TNIK: variants seen among roughly 807,000 people sequenced by gnomAD.
TNIK encodes the protein TRAF2 and NCK interacting kinase.
TNIK carries 49 observed loss-of-function variants against 191.3 expected under a neutral mutation model. That is an observed-to-expected ratio of 0.26 (90% CI 0.20 to 0.32). The LOEUF (loss-of-function observed/expected upper bound fraction) is 0.32. Ranked by LOEUF, TNIK falls within the 10% of genes least tolerant of loss-of-function variation. The probability of loss-of-function intolerance (pLI) is 1.00; values close to 1 mark genes in which losing one functional copy is unlikely to be tolerated. For missense variants in TNIK, 1,155 were observed against 1,702.3 expected, an observed-to-expected ratio of 0.68 and a Z score of 5.66; for synonymous variants, 594 against 600.9, an observed-to-expected ratio of 0.99 and a Z score of 0.17.
At chr3:171,126,297 GT>G in intron 16 of TNIK, 146 bp from the exon 17 acceptor site, 1 of 1,006,560 alleles carries the variant, frequency 9.9e-7, no homozygotes, top group Non-Finnish European at 1.3e-6. Context: ...TATATAGCAT[GT>G]TTTTTAACAG....
intron 2 of TNIK, among the ~76,000 whole-genome samples, chr3:171,284,311 G>A (rs1750786522): frequency 6.6e-6 from 1 of 152,204 alleles, no homozygotes; most frequent in East Asian, 1.9e-4. Context: ...TCCGTTCATA[G>A]TAGGGTTCTA....
chr3:171,391,739 T>C (rs186601392), intron 1 of TNIK, among the ~76,000 whole-genome samples: 18 of 152,358 alleles, frequency 1.2e-4, no homozygotes, highest in African/African-American at 4.1e-4. Flanking sequence ...ATCTGTTCTT[T>C]TCTCTTGTTA....
At chr3:171,434,680 G>A (rs1394016234) in intron 1 of TNIK, among the ~76,000 whole-genome samples, 1 of 151,974 alleles carries the variant, frequency 6.6e-6, no homozygotes, top group African/African-American at 2.4e-5. Context: ...GGCTGGTCTT[G>A]AACTCCTGGC....
rs148483299 is a variant in TNIK at position 171,315,111 on chromosome 3, G to A, written c.123+54509C>T. On this transcript the variant is annotated intron_variant, in intron 2 of 32. Coordinates refer to ENST00000436636, the MANE Select transcript of TNIK (RefSeq NM_015028.4). ...AACACGAATTGCCTGAGGAAGCAGG[G>A]GTAGGAGATGTGAGGACTAAGATTC... is the stretch of plus-strand genomic sequence containing the variant. 1.3e-3 allele frequency among the ~76,000 whole-genome samples: 203 copies of A among 152,206 alleles called. 1 individual carries two copies. Among genetic ancestry groups the A allele is most frequent in the African/African-American group, 4.7e-3 (194 of 41,536 alleles).
At chr3:171,195,103 C>A (rs1738530847) in intron 4 of TNIK, among the ~76,000 whole-genome samples, 3 of 152,162 alleles carry the variant, frequency 2.0e-5, no homozygotes, top group Admixed American at 2.0e-4. Flanking sequence ...TGGGAACTAT[C>A]TGTTTTTAAT....
intron 2 of TNIK, among the ~76,000 whole-genome samples, chr3:171,264,012 T>C (rs890933852): frequency 1.3e-5 from 2 of 151,372 alleles, no homozygotes; most frequent in Non-Finnish European, 2.9e-5. Flanking sequence ...AGATTTTATT[T>C]TATATATGTA....
chr3:171,298,890 T>C (rs935463805), intron 2 of TNIK, among the ~76,000 whole-genome samples: 1 of 152,234 alleles, frequency 6.6e-6, no homozygotes, highest in Non-Finnish European at 1.5e-5. Context: ...TGCAAACTTC[T>C]TCCCATGCTG....
intron 23 of TNIK, among the ~76,000 whole-genome samples, chr3:171,092,023 C>T (rs1722139687): frequency 6.6e-6 from 1 of 151,426 alleles, no homozygotes; most frequent in Admixed American, 6.6e-5. Context: ...GATCTCCACT[C>T]ACTGCAACCT....
chr3:171,278,440 G>T (rs568604726), intron 2 of TNIK, among the ~76,000 whole-genome samples: 18 of 152,198 alleles, frequency 1.2e-4, no homozygotes, highest in African/African-American at 4.3e-4. Flanking sequence ...AGACTCAGCA[G>T]CTGGGCATTC....
chr3:171,133,184 A>G (rs951499714), intron 15 of TNIK, among the ~76,000 whole-genome samples: 13 of 152,210 alleles, frequency 8.5e-5, no homozygotes, highest in Admixed American at 4.6e-4. Flanking sequence ...GGCCTGGACT[A>G]TTTTCCCAGA....
chr3:171,160,319 A>G, intron 11 of TNIK, among the ~76,000 whole-genome samples: 1 of 152,148 alleles, frequency 6.6e-6, no homozygotes, highest in South Asian at 2.1e-4. Flanking sequence ...CTGAGTTAGC[A>G]TAAAAAAAGA....
intron 2 of TNIK, among the ~76,000 whole-genome samples, chr3:171,347,959 A>C (rs1049659462): frequency 7.9e-5 from 12 of 152,182 alleles, no homozygotes; most frequent in African/African-American, 2.7e-4. Flanking sequence ...GCTTGAAACC[A>C]AATAGTGCTG....
At chr3:171,345,599 C>A (rs1712037257) in intron 2 of TNIK, among the ~76,000 whole-genome samples, 1 of 152,082 alleles carries the variant, frequency 6.6e-6, no homozygotes, top group East Asian at 1.9e-4. Flanking sequence ...GGAACTCGAC[C>A]TTCACCCTCA....
At chr3:171,283,363 A>G (rs1303081389) in intron 2 of TNIK, among the ~76,000 whole-genome samples, 7 of 152,108 alleles carry the variant, frequency 4.6e-5, no homozygotes, top group Admixed American at 1.3e-4. Context: ...TATACAGAAG[A>G]TTTGGCAACC....
chr3:171,195,806 A>G (rs1239962407), intron 4 of TNIK, among the ~76,000 whole-genome samples: 1 of 152,144 alleles, frequency 6.6e-6, no homozygotes, highest in African/African-American at 2.4e-5. Context: ...ATAAGTGCTT[A>G]TAGGGAAATT....
intron 1 of TNIK, among the ~76,000 whole-genome samples, chr3:171,452,163 G>C (rs1010227413): frequency 6.6e-6 from 1 of 152,018 alleles, no homozygotes; most frequent in African/African-American, 2.4e-5. Context: ...CCTATCACTC[G>C]GTCTTCAAAA....
At chr3:171,206,960 C>T (rs992946018) in intron 4 of TNIK, among the ~76,000 whole-genome samples, 3 of 152,072 alleles carry the variant, frequency 2.0e-5, no homozygotes, top group Admixed American at 6.6e-5. Context: ...AGGTGTGGCT[C>T]ATCTAGAAAT....
chr3:171,365,844 T>G (rs1214854840), intron 2 of TNIK, among the ~76,000 whole-genome samples: 1 of 152,198 alleles, frequency 6.6e-6, no homozygotes, highest in Non-Finnish European at 1.5e-5. Flanking sequence ...TGAAAAGAAA[T>G]ATGAGAAATA....
intron 15 of TNIK, among the ~76,000 whole-genome samples, chr3:171,131,145 T>A (rs549763004): frequency 1.3e-5 from 2 of 151,698 alleles, no homozygotes; most frequent in Non-Finnish European, 2.9e-5. Flanking sequence ...GAGACCATCC[T>A]GGCTAACACG....
Sources: allele counts gnomAD v4.1 joint callset (sites outside exome capture counted in the v4.1 genomes callset), GRCh38; gene constraint gnomAD v4.1.1; transcripts MANE v1.5; gene names NCBI Gene and HGNC (gene_info 2026-07-23, HGNC 2026-07-21).